The following CTNNA2 variants were observed in gnomAD, a reference collection of about 807,000 sequenced individuals.
CTNNA2 encodes the protein catenin alpha-2.
CTNNA2 carries 42 observed loss-of-function variants against 101.0 expected under a neutral mutation model. The observed-to-expected ratio is 0.42, with a 90% CI of 0.32 to 0.54. The LOEUF (loss-of-function observed/expected upper bound fraction) is 0.54, where lower values mean the gene tolerates loss of function less well. Among genes scored for constraint, CTNNA2 ranks in the 20% least tolerant of loss-of-function variants. The probability of loss-of-function intolerance (pLI) is 0.14; values close to 1 mark genes in which losing one functional copy is unlikely to be tolerated. For synonymous variants in CTNNA2, 450 were observed against 456.4 expected (o/e 0.99, Z 0.18); for missense variants, 871 against 1,223.1 (o/e 0.71, Z 4.29).
At chr2:79,607,977 TG>T (rs199655482) in intron 1 of CTNNA2, among the ~76,000 whole-genome samples, 14 of 151,742 alleles carry the variant, frequency 9.2e-5, no homozygotes, top group African/African-American at 2.4e-4. Flanking sequence ...AAAGGCAGGT[TG>T]TTTTTTTTTA....
chr2:79,573,456 G>C (rs928680904), intron 1 of CTNNA2, among the ~76,000 whole-genome samples: 4 of 152,226 alleles, frequency 2.6e-5, no homozygotes, highest in African/African-American at 9.6e-5. Flanking sequence ...TCTGAAGTCT[G>C]TAAGTTACAA....
intron 7 of CTNNA2, among the ~76,000 whole-genome samples, chr2:80,295,946 C>G (rs750860441): frequency 2.0e-4 from 30 of 152,160 alleles, no homozygotes; most frequent in Admixed American, 4.6e-4. Flanking sequence ...GTTTGCAGTT[C>G]TTGTATCTCT....
intron 7 of CTNNA2, among the ~76,000 whole-genome samples, chr2:80,061,891 T>C (rs956169382): frequency 3.4e-4 from 52 of 152,156 alleles, no homozygotes; most frequent in African/African-American, 1.2e-3. Context: ...GCTAAAAGCA[T>C]AAAGAATTTG....
intron 7 of CTNNA2, among the ~76,000 whole-genome samples, chr2:80,201,373 T>A (rs1474650149): frequency 7.2e-6 from 1 of 138,324 alleles, no homozygotes; most frequent in Middle Eastern, 3.5e-3. Flanking sequence ...CTTTCTTTTT[T>A]TTTTTTTTTT....
chr2:79,697,867 T>A (rs369031151), intron 2 of CTNNA2: 1 of 152,044 alleles, frequency 6.6e-6, no homozygotes, highest in Admixed American at 6.6e-5. Flanking sequence ...CCACTTATTA[T>A]ACAAGAGGAT....
At chr2:79,461,688 A>G (rs1670881113) in intron 4 of CTNNA2, among the ~76,000 whole-genome samples, 1 of 152,162 alleles carries the variant, frequency 6.6e-6, no homozygotes, top group African/African-American at 2.4e-5. Flanking sequence ...TACCAGAAAA[A>G]GTTTGGCTGT....
chr2:80,394,371 A>G (rs548043895), intron 8 of CTNNA2, among the ~76,000 whole-genome samples: 7 of 152,300 alleles, frequency 4.6e-5, no homozygotes, highest in African/African-American at 1.4e-4. Context: ...GACACACTTG[A>G]TCTGGTGTCC....
intron 9 of CTNNA2, among the ~76,000 whole-genome samples, chr2:80,536,986 C>CA (rs1265759808): frequency 6.6e-6 from 1 of 152,176 alleles, no homozygotes; most frequent in Non-Finnish European, 1.5e-5. Flanking sequence ...ATACATGTGC[C>CA]ATGGTGGTTT....
At position 79,276,974 on chromosome 2, in the gene CTNNA2, A is replaced by G. The variant is rs550911825; in HGVS notation, c.-405-35735A>G. ...CACACACATGCAAACATGTGCACAC[A>G]CACATTGTGTTTGCTATTTTACATG... On this transcript the variant is annotated intron_variant, in intron 2 of 21. Coordinates refer to the CTNNA2 transcript ENST00000466387. Among the ~76,000 whole-genome samples the G allele has an allele frequency of 5.3e-5, 8 of 152,240 alleles. No homozygotes were observed. In the East Asian group the frequency reaches 1.6e-3, roughly 30 times the overall value.
At chr2:79,356,410 C>T (rs971372366) in intron 3 of CTNNA2, among the ~76,000 whole-genome samples, 1 of 152,086 alleles carries the variant, frequency 6.6e-6, no homozygotes, top group Non-Finnish European at 1.5e-5. Flanking sequence ...TGCATTCTTG[C>T]TTTCTTGATA....
chr2:80,277,967 G>A (rs1674057864), intron 7 of CTNNA2, among the ~76,000 whole-genome samples: 1 of 152,072 alleles, frequency 6.6e-6, no homozygotes, highest in Admixed American at 6.5e-5. Flanking sequence ...CAGTCCATGT[G>A]GTTTTGAGTT....
chr2:80,403,642 C>A (rs559823533), intron 8 of CTNNA2, among the ~76,000 whole-genome samples: 20 of 152,270 alleles, frequency 1.3e-4, no homozygotes, highest in Non-Finnish European at 2.1e-4. Flanking sequence ...TTTACTGATG[C>A]ACATATGGTG....
chr2:80,070,093 G>A (rs1016083940), intron 7 of CTNNA2, among the ~76,000 whole-genome samples: 36 of 152,176 alleles, frequency 2.4e-4, no homozygotes, highest in African/African-American at 8.0e-4. Context: ...AGCCAACACT[G>A]TAACTCCCTT....
intron 7 of CTNNA2, among the ~76,000 whole-genome samples, chr2:80,180,471 C>T (rs760952117): frequency 1.0e-3 from 157 of 152,328 alleles, no homozygotes; most frequent in Admixed American, 2.5e-3. Flanking sequence ...TGCTGCTTTG[C>T]ATCTGCTGTC....
intron 3 of CTNNA2, among the ~76,000 whole-genome samples, chr2:79,839,419 A>C (rs1679630490): frequency 6.6e-6 from 1 of 152,000 alleles, no homozygotes; most frequent in Non-Finnish European, 1.5e-5. Flanking sequence ...TATCTTGTTC[A>C]GTATGTATTG....
chr2:79,645,081 C>T (rs1230327177), intron 1 of CTNNA2, among the ~76,000 whole-genome samples: 1 of 152,052 alleles, frequency 6.6e-6, no homozygotes, highest in Non-Finnish European at 1.5e-5. Flanking sequence ...CTCCTGGGCT[C>T]AGGCCATCTT....
chr2:80,040,861 T>C (rs1696001518), intron 7 of CTNNA2, among the ~76,000 whole-genome samples: 1 of 152,194 alleles, frequency 6.6e-6, no homozygotes, highest in Admixed American at 6.5e-5. Context: ...AAGGAAATAA[T>C]GCAAATAATG....
intron 11 of CTNNA2, among the ~76,000 whole-genome samples, chr2:80,547,968 A>C (rs1224424972): frequency 6.6e-6 from 1 of 152,124 alleles, no homozygotes; most frequent in East Asian, 1.9e-4. Context: ...CTGGTATTAC[A>C]GGCGTGAGCC....
intron 3 of CTNNA2, among the ~76,000 whole-genome samples, chr2:79,340,860 G>GA (rs1677120758): frequency 9.7e-6 from 1 of 103,028 alleles, no homozygotes; most frequent in Non-Finnish European, 2.0e-5. Context: ...AAAAAGAAAA[G>GA]AAAAAAGAAA....
Sources: allele counts gnomAD v4.1 joint callset (sites outside exome capture counted in the v4.1 genomes callset), GRCh38; gene constraint gnomAD v4.1.1; transcripts MANE v1.5; gene names NCBI Gene and HGNC (gene_info 2026-07-23, HGNC 2026-07-21).